SHISA6: variants seen among roughly 807,000 people sequenced by gnomAD.
SHISA6 encodes the protein protein shisa-6.
A neutral mutation model predicts 47.9 loss-of-function variants in SHISA6; 22 were observed. That is an observed-to-expected ratio of 0.46 (90% CI 0.33 to 0.66). The LOEUF (loss-of-function observed/expected upper bound fraction) is 0.66. Ranked by LOEUF, SHISA6 falls within the 30% of genes least tolerant of loss-of-function variation. The probability of loss-of-function intolerance (pLI) is 0.02; values close to 1 mark genes in which losing one functional copy is unlikely to be tolerated. For missense variants in SHISA6, 680 were observed against 764.6 expected (o/e 0.89, Z 1.30); for synonymous variants, 388 against 337.8 (o/e 1.15, Z -1.63).
intron 3 of SHISA6, among the ~76,000 whole-genome samples, chr17:11,411,211 G>A (rs995340201): frequency 5.3e-5 from 8 of 152,008 alleles, no homozygotes; most frequent in Admixed American, 3.9e-4. Flanking sequence ...CTCGTGATCT[G>A]CCCACCTCGG....
At chr17:11,299,059 A>G (rs949589935) in intron 2 of SHISA6, among the ~76,000 whole-genome samples, 2 of 152,234 alleles carry the variant, frequency 1.3e-5, no homozygotes, top group Non-Finnish European at 2.9e-5. Flanking sequence ...TCCATGACCA[A>G]GAATGGTTGA....
chr17:11,265,886 T>C (rs1908407024), intron 2 of SHISA6, among the ~76,000 whole-genome samples: 1 of 152,196 alleles, frequency 6.6e-6, no homozygotes, highest in Non-Finnish European at 1.5e-5. Context: ...TCTAGTGAGC[T>C]GAGAAGGAAA....
intron 3 of SHISA6, among the ~76,000 whole-genome samples, chr17:11,515,670 C>T (rs1373835177): frequency 6.6e-6 from 1 of 152,058 alleles, no homozygotes. Context: ...ACCCTTTGTG[C>T]CTCCATGTGG....
rs560025452 is a variant in SHISA6, at chr17:11,392,403, C to A, written c.895+12894C>A. 2.6e-5 allele frequency among the ~76,000 whole-genome samples: 4 copies of A among 152,264 alleles called. No homozygotes were observed. The East Asian group carries it at 7.7e-4, about 29-fold the overall frequency. ...TGTTGGCTCTTGGGGGAGGATTCCT[C>A]AGGAATAGATTATTGTTGTCCCATC... On this transcript the variant is annotated intron_variant, in intron 3 of 5. Transcript: ENST00000441885.
chr17:11,510,515 C>T (rs1387609649), intron 3 of SHISA6, among the ~76,000 whole-genome samples: 2 of 152,182 alleles, frequency 1.3e-5, no homozygotes, highest in African/African-American at 4.8e-5. Context: ...CACCCCAGGA[C>T]TGTCTAGGTA....
chr17:11,544,537 T>TA (rs758805610), intron 3 of SHISA6, among the ~76,000 whole-genome samples: 6 of 151,628 alleles, frequency 4.0e-5, no homozygotes, highest in East Asian at 3.9e-4. Flanking sequence ...TAGCTAAAAT[T>TA]AAAAAAAAAG....
intron 2 of SHISA6, among the ~76,000 whole-genome samples, chr17:11,364,895 G>T (rs529424400): frequency 6.6e-6 from 1 of 152,276 alleles, no homozygotes; most frequent in South Asian, 2.1e-4. Context: ...AGCCATTCTG[G>T]TGAGTGTAAG....
At chr17:11,392,649 G>A (rs923414475) in intron 3 of SHISA6, among the ~76,000 whole-genome samples, 1 of 152,194 alleles carries the variant, frequency 6.6e-6, no homozygotes, top group African/African-American at 2.4e-5. Flanking sequence ...AATCGTGAGC[G>A]AAATAAACCT....
intron 5 of SHISA6, among the ~76,000 whole-genome samples, chr17:11,556,154 C>T (rs753328851): frequency 1.3e-5 from 2 of 152,158 alleles, no homozygotes; most frequent in Non-Finnish European, 1.5e-5. Context: ...AATTCATGCA[C>T]CAGTTTAACT....
At chr17:11,411,158 CAG>C (rs1914104027) in intron 3 of SHISA6, among the ~76,000 whole-genome samples, 1 of 151,710 alleles carries the variant, frequency 6.6e-6, no homozygotes, top group Non-Finnish European at 1.5e-5. Context: ...TTAGTAGAGA[CAG>C]GGTTTCACCC....
At chr17:11,470,408 A>G (rs1915908119) in intron 3 of SHISA6, among the ~76,000 whole-genome samples, 1 of 152,240 alleles carries the variant, frequency 6.6e-6, no homozygotes, top group Admixed American at 6.5e-5. Context: ...AACAGGTATC[A>G]GTCCCCAGAG....
At chr17:11,306,514 A>G (rs1910115112) in intron 2 of SHISA6, among the ~76,000 whole-genome samples, 1 of 152,140 alleles carries the variant, frequency 6.6e-6, no homozygotes, top group African/African-American at 2.4e-5. Context: ...GCCATGATAT[A>G]CTGTGTCCAC....
At chr17:11,463,345 C>T (rs1915737708) in intron 3 of SHISA6, among the ~76,000 whole-genome samples, 1 of 152,132 alleles carries the variant, frequency 6.6e-6, no homozygotes, top group Non-Finnish European at 1.5e-5. Context: ...ATTAAATGAT[C>T]ACCACTCCTG....
intron 3 of SHISA6, among the ~76,000 whole-genome samples, chr17:11,529,151 C>T (rs748878614): frequency 2.6e-5 from 4 of 151,686 alleles, no homozygotes; most frequent in Non-Finnish European, 5.9e-5. Context: ...CAAGATTGCG[C>T]CATTGCACTC....
At chr17:11,472,781 A>G (rs986304566) in intron 3 of SHISA6, among the ~76,000 whole-genome samples, 4 of 152,188 alleles carry the variant, frequency 2.6e-5, no homozygotes, top group African/African-American at 9.6e-5. Flanking sequence ...ACCATTTTGC[A>G]TTCCCACCAG....
At chr17:11,322,672 G>A (rs1174146568) in intron 2 of SHISA6, among the ~76,000 whole-genome samples, 1 of 152,116 alleles carries the variant, frequency 6.6e-6, no homozygotes, top group Non-Finnish European at 1.5e-5. Context: ...TCTCCTCTTA[G>A]GGGTACCAAT....
intron 2 of SHISA6, among the ~76,000 whole-genome samples, chr17:11,367,715 A>C (rs1270699253): frequency 6.6e-6 from 1 of 152,164 alleles, no homozygotes; most frequent in Non-Finnish European, 1.5e-5. Flanking sequence ...GAGTGAATGC[A>C]TGGAATGAGA....
At chr17:11,508,731 A>T (rs1464263817) in intron 3 of SHISA6, among the ~76,000 whole-genome samples, 1 of 138,062 alleles carries the variant, frequency 7.2e-6, no homozygotes, top group African/African-American at 2.7e-5. Context: ...CCTTTTATTC[A>T]TCTAGCAAAT....
At chr17:11,500,525 G>T (rs1053311182) in intron 3 of SHISA6, among the ~76,000 whole-genome samples, 3 of 152,172 alleles carry the variant, frequency 2.0e-5, no homozygotes, top group Non-Finnish European at 2.9e-5. Context: ...CTTGCTCAAG[G>T]TTCCATGGTA....
Sources: allele counts gnomAD v4.1 joint callset (sites outside exome capture counted in the v4.1 genomes callset), GRCh38; gene constraint gnomAD v4.1.1; transcripts MANE v1.5; gene names NCBI Gene and HGNC (gene_info 2026-07-23, HGNC 2026-07-21).